RASGRP3: variants seen among roughly 807,000 people sequenced by gnomAD.
RASGRP3 encodes ras guanyl-releasing protein 3.
RASGRP3 carries 54 observed loss-of-function variants against 82.7 expected under a neutral mutation model. The observed-to-expected ratio is 0.65, with a 90% confidence interval of 0.52 to 0.82. The LOEUF is 0.82. Ranked by LOEUF, RASGRP3 falls within the 40% of genes least tolerant of loss-of-function variation. The pLI is 0.00. For synonymous variants in RASGRP3, 309 were observed against 300.5 expected, an observed-to-expected ratio of 1.03 and a Z score of -0.29; for missense variants, 861 against 828.9, an observed-to-expected ratio of 1.04 and a Z score of -0.48.
At chr2:33,516,158 C>G (rs1308059081) in intron 3 of RASGRP3, among the ~76,000 whole-genome samples, 1 of 152,130 alleles carries the variant, frequency 6.6e-6, no homozygotes, top group East Asian at 1.9e-4. Context: ...GCCTGTAATC[C>G]CAGCACTTTG....
chr2:33,465,776 G>T (rs1347091963), intron 2 of RASGRP3, among the ~76,000 whole-genome samples: 1 of 152,170 alleles, frequency 6.6e-6, no homozygotes, highest in Non-Finnish European at 1.5e-5. Flanking sequence ...CTTGTTAGGG[G>T]CTAATGCAGC....
chr2:33,559,467 GC>G (rs1676401742), intron 17 of RASGRP3, among the ~76,000 whole-genome samples: 1 of 152,206 alleles, frequency 6.6e-6, no homozygotes, highest in South Asian at 2.1e-4. Context: ...CTCAAAAGAA[GC>G]TTTTGACAGC....
At chr2:33,437,290 A>C (rs914707835) in intron 1 of RASGRP3, among the ~76,000 whole-genome samples, 2 of 152,224 alleles carry the variant, frequency 1.3e-5, no homozygotes, top group Admixed American at 6.5e-5. Context: ...GTTGAAAGGA[A>C]ATGGATTAAA....
intron 5 of RASGRP3, 148 bp from the exon 6 acceptor site, chr2:33,520,404 GT>G: frequency 9.6e-7 from 1 of 1,046,552 alleles, no homozygotes; most frequent in South Asian, 1.6e-5. Context: ...GATGGATGGG[GT>G]TTTGGAGACA....
chr2:33,532,439 G>A (rs1351514912), intron 10 of RASGRP3: 2 of 152,154 alleles, frequency 1.3e-5, no homozygotes, highest in African/African-American at 2.4e-5. Context: ...TAAGGGGAAA[G>A]ATCCCTAAAT....
intron 7 of RASGRP3, among the ~76,000 whole-genome samples, chr2:33,523,175 T>TA (rs1357116916): frequency 4.6e-5 from 7 of 152,158 alleles, no homozygotes; most frequent in South Asian, 2.1e-4. Context: ...AGCAGTGTGT[T>TA]AAAAATGGAG....
intron 2 of RASGRP3, among the ~76,000 whole-genome samples, chr2:33,465,488 A>G (rs1361093256): frequency 6.6e-6 from 1 of 152,224 alleles, no homozygotes; most frequent in African/African-American, 2.4e-5. Flanking sequence ...ACACCACTGC[A>G]CTCCAGCCTG....
At chr2:33,488,188 A>T (rs972497629) in intron 1 of RASGRP3, among the ~76,000 whole-genome samples, 1 of 152,196 alleles carries the variant, frequency 6.6e-6, no homozygotes, top group Non-Finnish European at 1.5e-5. Context: ...CCTACTACAA[A>T]ACAGCCTTTG....
At chr2:33,530,327 T>A (rs562087072) in intron 10 of RASGRP3, among the ~76,000 whole-genome samples, 1 of 152,138 alleles carries the variant, frequency 6.6e-6, no homozygotes, top group South Asian at 2.1e-4. Context: ...TCAACAATTA[T>A]GAAATGCCTA....
At chr2:33,524,622 C>A in intron 9 of RASGRP3, 74 bp downstream of exon 9, 1 of 1,119,610 alleles carries the variant, frequency 8.9e-7, no homozygotes, top group South Asian at 1.5e-5. Context: ...ATACGCCTAA[C>A]AAATGTCACT....
chr2:33,515,799 G>T (rs922783143), intron 3 of RASGRP3, among the ~76,000 whole-genome samples: 8 of 152,080 alleles, frequency 5.3e-5, no homozygotes, highest in African/African-American at 1.9e-4. Context: ...GTTGCACAAA[G>T]AAAGTCAACC....
chr2:33,562,065 T>C (rs1293869679), intron 17 of RASGRP3, among the ~76,000 whole-genome samples: 3 of 152,314 alleles, frequency 2.0e-5, no homozygotes, highest in Admixed American at 2.0e-4. Context: ...TATGTACATA[T>C]ACATATGTAG....
intron 1 of RASGRP3, among the ~76,000 whole-genome samples, chr2:33,440,083 G>A (rs983111184): frequency 2.0e-5 from 3 of 152,194 alleles, no homozygotes; most frequent in African/African-American, 7.2e-5. Flanking sequence ...AGAGACAGCA[G>A]CAGGTCAGGG....
intron 1 of RASGRP3, chr2:33,481,433 T>G (rs1433786817): frequency 6.6e-6 from 1 of 152,220 alleles, no homozygotes; most frequent in Non-Finnish European, 1.5e-5. Flanking sequence ...AGTGCTGGGA[T>G]TACAGGCATG....
chr2:33,480,433 G>A (rs1266512157), intron 1 of RASGRP3, among the ~76,000 whole-genome samples: 1 of 152,154 alleles, frequency 6.6e-6, no homozygotes, highest in African/African-American at 2.4e-5. Context: ...GATGTGGTTT[G>A]CTAGACCAAA....
At chr2:33,515,463 C>T (rs1198537564) in intron 3 of RASGRP3, among the ~76,000 whole-genome samples, 1 of 152,158 alleles carries the variant, frequency 6.6e-6, no homozygotes, top group East Asian at 1.9e-4. Context: ...TACCACCATC[C>T]ATTGGTCATA....
chr2:33,475,557 T>C (rs1429890262), upstream of RASGRP3, among the ~76,000 whole-genome samples: 1 of 152,184 alleles, frequency 6.6e-6, no homozygotes, highest in Non-Finnish European at 1.5e-5. Context: ...CTTTGCCAAA[T>C]AGGCTGCCTC....
chr2:33,505,558 T>A (rs4430917), intron 1 of RASGRP3, among the ~76,000 whole-genome samples: 1 of 152,008 alleles, frequency 6.6e-6, no homozygotes, highest in East Asian at 1.9e-4. Flanking sequence ...CACAGCCTCT[T>A]AAAGTGCTGG....
intron 1 of RASGRP3, among the ~76,000 whole-genome samples, chr2:33,494,170 A>T (rs1222364135): frequency 6.6e-6 from 1 of 152,176 alleles, no homozygotes; most frequent in Non-Finnish European, 1.5e-5. Flanking sequence ...TAAGTAAAAA[A>T]ATCCCCTTGA....
Sources: allele counts gnomAD v4.1 joint callset (sites outside exome capture counted in the v4.1 genomes callset), GRCh38; gene constraint gnomAD v4.1.1; transcripts MANE v1.5; gene names NCBI Gene and HGNC (gene_info 2026-07-23, HGNC 2026-07-21).